MDGA2: variants seen among roughly 807,000 people sequenced by gnomAD.
MDGA2 encodes MAM domain-containing glycosylphosphatidylinositol anchor protein 2.
A neutral mutation model predicts 117.8 loss-of-function variants in MDGA2; 40 were observed. That is an observed-to-expected ratio of 0.34 (90% CI 0.26 to 0.44). The LOEUF (loss-of-function observed/expected upper bound fraction) is 0.44. Among genes scored for constraint, MDGA2 ranks in the 20% least tolerant of loss-of-function variants. MDGA2 has a pLI of 1.00. For synonymous variants in MDGA2, 452 were observed against 439.0 expected (o/e 1.03, Z -0.37); for missense variants, 1,123 against 1,250.6 (o/e 0.90, Z 1.54).
intron 8 of MDGA2, among the ~76,000 whole-genome samples, chr14:46,988,971 T>G (rs1198040148): frequency 6.6e-6 from 1 of 152,112 alleles, no homozygotes; most frequent in Non-Finnish European, 1.5e-5. Context: ...ATCCTTCATT[T>G]TAAAGAAAGC....
chr14:47,660,114 G>T (rs1242749808), intron 1 of MDGA2, among the ~76,000 whole-genome samples: 1 of 151,970 alleles, frequency 6.6e-6, no homozygotes, highest in East Asian at 1.9e-4. Flanking sequence ...TTAATGAATT[G>T]CCAATTGTAA....
intron 6 of MDGA2, among the ~76,000 whole-genome samples, chr14:47,078,899 T>C (rs1890595832): frequency 6.6e-6 from 1 of 152,094 alleles, no homozygotes; most frequent in African/African-American, 2.4e-5. Flanking sequence ...TTATTCCTCC[T>C]ATCTAACTGA....
At chr14:47,273,206 T>C (rs1888203749) in intron 2 of MDGA2, among the ~76,000 whole-genome samples, 1 of 152,178 alleles carries the variant, frequency 6.6e-6, no homozygotes, top group Non-Finnish European at 1.5e-5. Flanking sequence ...TTCTCAAGCA[T>C]AATTTTGAAC....
At chr14:47,229,309 C>T (rs1283682978) in intron 2 of MDGA2, among the ~76,000 whole-genome samples, 1 of 151,926 alleles carries the variant, frequency 6.6e-6, no homozygotes, top group Admixed American at 6.6e-5. Context: ...AAATTGTGGG[C>T]CTACCTCAAG....
Position 47,148,992 on chromosome 14 carries a change from T to G in MDGA2, c.596-4718A>C, listed in dbSNP as rs544127854. Among the ~76,000 whole-genome samples, 3 of 152,258 alleles carry G rather than the reference T, an allele frequency of 2.0e-5. No individual in the cohort carries two copies. The East Asian group carries it at 5.8e-4, about 29-fold the overall frequency. ...AGATATATTTGAACAAGCCATTCATTAAGATAAATGTGCCTGGCTGGGCAC... is the reference window on the plus strand; with the variant it reads ...AGATATATTTGAACAAGCCATTCATGAAGATAAATGTGCCTGGCTGGGCAC... On this transcript the variant is annotated intron_variant, in intron 3 of 16. Coordinates refer to ENST00000399232, the MANE Select transcript of MDGA2 (RefSeq NM_001113498.3).
At chr14:46,866,098 A>C (rs1290563703) in intron 14 of MDGA2, among the ~76,000 whole-genome samples, 1 of 151,992 alleles carries the variant, frequency 6.6e-6, no homozygotes, top group Non-Finnish European at 1.5e-5. Context: ...ATCCTAAGCC[A>C]AAAGAACAAA....
chr14:47,244,603 T>C (rs987200318), intron 2 of MDGA2, among the ~76,000 whole-genome samples: 4 of 151,884 alleles, frequency 2.6e-5, no homozygotes, highest in African/African-American at 9.7e-5. Flanking sequence ...CTTGGATCTA[T>C]GTCAATACTG....
chr14:47,188,563 G>C (rs549186223), intron 3 of MDGA2, among the ~76,000 whole-genome samples: 28 of 152,222 alleles, frequency 1.8e-4, no homozygotes, highest in African/African-American at 6.5e-4. Flanking sequence ...AGCCATGAAG[G>C]GAGTCCGGAT....
chr14:47,471,444 T>C (rs950289618), intron 1 of MDGA2, among the ~76,000 whole-genome samples: 1 of 152,100 alleles, frequency 6.6e-6, no homozygotes, highest in Non-Finnish European at 1.5e-5. Flanking sequence ...GGAAGAAAAA[T>C]CATTATATGA....
At chr14:46,888,825 A>C (rs1020505462) in intron 10 of MDGA2, among the ~76,000 whole-genome samples, 1 of 151,908 alleles carries the variant, frequency 6.6e-6, no homozygotes, top group African/African-American at 2.4e-5. Context: ...ACTGAATACA[A>C]GGCATATATG....
At chr14:47,477,018 C>G (rs1047856422) in intron 1 of MDGA2, among the ~76,000 whole-genome samples, 16 of 152,006 alleles carry the variant, frequency 1.1e-4, no homozygotes, top group South Asian at 4.2e-4. Flanking sequence ...AAAAATTTGC[C>G]GAGCGTGGTG....
chr14:47,489,919 C>T (rs1395659038), intron 1 of MDGA2, among the ~76,000 whole-genome samples: 1 of 152,060 alleles, frequency 6.6e-6, no homozygotes, highest in Non-Finnish European at 1.5e-5. Context: ...CAAGGTTACT[C>T]TCAAGATCAG....
At chr14:47,144,522 T>C (rs750996547) in intron 3 of MDGA2, among the ~76,000 whole-genome samples, 3 of 152,112 alleles carry the variant, frequency 2.0e-5, no homozygotes, top group Non-Finnish European at 2.9e-5. Flanking sequence ...TCTTTGTCAA[T>C]AGCCACATAA....
chr14:47,556,745 T>C (rs563387363), intron 1 of MDGA2, among the ~76,000 whole-genome samples: 1 of 152,366 alleles, frequency 6.6e-6, no homozygotes, highest in African/African-American at 2.4e-5. Context: ...CAGTAAATAG[T>C]TGCTATTATA....
At chr14:47,507,213 A>G (rs1237426614) in intron 1 of MDGA2, among the ~76,000 whole-genome samples, 1 of 152,164 alleles carries the variant, frequency 6.6e-6, no homozygotes, top group Non-Finnish European at 1.5e-5. Context: ...ATAACAAAGG[A>G]CTATCCAGCT....
chr14:46,955,129 A>G (rs1414026935), intron 9 of MDGA2, among the ~76,000 whole-genome samples: 1 of 152,092 alleles, frequency 6.6e-6, no homozygotes, highest in South Asian at 2.1e-4. Context: ...ATAAACTGAA[A>G]TGCATGCTCC....
chr14:47,538,833 C>A (rs7142099), intron 1 of MDGA2, among the ~76,000 whole-genome samples: 2,004 of 152,274 alleles, frequency 0.013, 42 homozygotes, highest in African/African-American at 0.045. Context: ...TAGTGATACA[C>A]ACGTATGCAT....
At chr14:47,001,738 T>C (rs75523304) in intron 8 of MDGA2, among the ~76,000 whole-genome samples, 389 of 152,220 alleles carry the variant, frequency 2.6e-3, no homozygotes, top group African/African-American at 8.8e-3. Context: ...TACTCAACAC[T>C]GGTACATATC....
chr14:47,520,685 CA>C (rs1436238425), intron 1 of MDGA2, among the ~76,000 whole-genome samples: 1 of 152,008 alleles, frequency 6.6e-6, no homozygotes, highest in Non-Finnish European at 1.5e-5. Context: ...AAGCAAAAAT[CA>C]AGAATCAATA....
Sources: allele counts gnomAD v4.1 joint callset (sites outside exome capture counted in the v4.1 genomes callset), GRCh38; gene constraint gnomAD v4.1.1; transcripts MANE v1.5; gene names NCBI Gene and HGNC (gene_info 2026-07-23, HGNC 2026-07-21).